The following CYP7B1 variants were observed in gnomAD, a reference collection of about 807,000 sequenced individuals.
The protein encoded by CYP7B1 is cytochrome P450 7B1.
CYP7B1 carries 29 observed loss-of-function variants against 42.7 expected under a neutral mutation model. The observed-to-expected ratio is 0.68, with a 90% CI of 0.51 to 0.93. The LOEUF is 0.93. Ranked by LOEUF, CYP7B1 falls within the 40% of genes least tolerant of loss-of-function variation. CYP7B1 has a pLI of 0.00. For missense variants in CYP7B1, 655 were observed against 600.5 expected, an observed-to-expected ratio of 1.09 and a Z score of -0.95; for synonymous variants, 235 against 218.2, an observed-to-expected ratio of 1.08 and a Z score of -0.68.
rs541758457 is a variant in CYP7B1, at chr8:64,637,978, A to G, written c.123-13439T>C. Among the ~76,000 whole-genome samples the G allele has an allele frequency of 5.9e-5, 9 of 152,174 alleles. No individual in the cohort carries two copies. In the East Asian group the frequency reaches 1.7e-3, roughly 29 times the overall value. On this transcript the variant is annotated intron_variant, in intron 1 of 5. Coordinates refer to ENST00000310193, the MANE Select transcript of CYP7B1 (RefSeq NM_004820.5). ...ATTTTCCTGACTTTATCCCTTTCATAGATTATTTTATTTCTACTTTTAGAT... is the reference window on the plus strand; with the variant it reads ...ATTTTCCTGACTTTATCCCTTTCATGGATTATTTTATTTCTACTTTTAGAT...
At chr8:64,788,859 C>T (rs1804570239) in intron 1 of CYP7B1, among the ~76,000 whole-genome samples, 1 of 152,148 alleles carries the variant, frequency 6.6e-6, no homozygotes, top group African/African-American at 2.4e-5. Context: ...GCAGTTTCCA[C>T]CCAAGAATCC....
Position 64,604,756 on chromosome 8 carries a change from C to T in CYP7B1, c.1159G>A (p.Val387Met). The T allele has an allele frequency of 1.2e-6, 2 of 1,614,150 alleles. No individual in the cohort carries two copies. The highest frequency in any genetic ancestry group is 1.7e-6 in the Non-Finnish European group (2 of 1,180,034). The part of the protein sequence containing the change: ...TLSSETGDYC[V>M]RKGDLVAIFP... ...ATGGCTACCAAGTCTCCCTTTCGCA[C>T]ACAGTAGTCCCCGGTCTCTGAACTG... is the stretch of plus-strand genomic sequence containing the variant. Residue 387 changes from valine to methionine, a missense_variant, in exon 5 of 6, where the codon GTG becomes ATG. Val to Met is a conservative substitution (Grantham distance 21). Transcript: ENST00000310193.
intron 1 of CYP7B1, among the ~76,000 whole-genome samples, chr8:64,682,017 C>T (rs1185149227): frequency 1.3e-5 from 2 of 151,986 alleles, no homozygotes; most frequent in Non-Finnish European, 2.9e-5. Flanking sequence ...AGAGAAAAAC[C>T]CAGTAGATTT....
rs1324626961 is a variant in CYP7B1, at chr8:64,593,247, G to GTGT, written c.*3392_*3394dup. Reference sequence around the variant, plus strand: ...TAGGGCCCAGGGTGTGTGTGTGTGTGTGTGTGTGTGTGTGTGTGTGTGTGT... The same window carrying GTGT: ...TAGGGCCCAGGGTGTGTGTGTGTGTGTGTTGTGTGTGTGTGTGTGTGTGTGTGT... On this transcript the variant is annotated 3_prime_UTR_variant, in exon 6 of 6. Coordinates refer to ENST00000310193, the MANE Select transcript of CYP7B1 (RefSeq NM_004820.5). Among the ~76,000 whole-genome samples the GTGT allele has an allele frequency of 7.4e-6, 1 of 134,742 alleles. No homozygotes were observed. Among genetic ancestry groups the GTGT allele is most frequent in the Non-Finnish European group, 1.7e-5 (1 of 59,066 alleles). The allele number at this position is 134,742 out of a possible 152,430, so 88.4% of individuals were successfully genotyped here. A position where few individuals can be genotyped will look rare whatever the true frequency, so the allele number is the denominator to read the frequency against.
rs1011868565 is a variant in CYP7B1, at chr8:64,677,840, T to C, written c.123-53301A>G. Reference sequence around the variant, plus strand: ...AGCATACTTTCTGGCACATAATAAGTGTTTGATAACATTAGGTGTTCTCAT... The same window carrying C: ...AGCATACTTTCTGGCACATAATAAGCGTTTGATAACATTAGGTGTTCTCAT... On this transcript the variant is annotated intron_variant, in intron 1 of 5. Coordinates refer to ENST00000310193, the MANE Select transcript of CYP7B1 (RefSeq NM_004820.5). 1.2e-4 allele frequency among the ~76,000 whole-genome samples: 18 copies of C among 151,268 alleles called. 1 individual carries two copies. The highest frequency in any genetic ancestry group is 4.4e-5 in the Non-Finnish European group (3 of 67,918).
intron 4 of CYP7B1, among the ~76,000 whole-genome samples, chr8:64,606,535 A>C (rs34522585): frequency 6.6e-6 from 1 of 152,210 alleles, no homozygotes; most frequent in Non-Finnish European, 1.5e-5. Flanking sequence ...GGGCAGGCAT[A>C]TAACAGTCCG....
chr8:64,742,731 C>T (rs945059148), intron 1 of CYP7B1, among the ~76,000 whole-genome samples: 1 of 152,124 alleles, frequency 6.6e-6, no homozygotes, highest in Non-Finnish European at 1.5e-5. Flanking sequence ...TCCAGAGGCA[C>T]ACATCCCTTG....
chr8:64,692,861 G>A (rs1046976839), intron 1 of CYP7B1, among the ~76,000 whole-genome samples: 3 of 152,108 alleles, frequency 2.0e-5, no homozygotes, highest in African/African-American at 4.8e-5. Context: ...AACTGTTCTC[G>A]AGCCACATGT....
chr8:64,699,789 C>A (rs1806885647), intron 1 of CYP7B1, among the ~76,000 whole-genome samples: 1 of 152,032 alleles, frequency 6.6e-6, no homozygotes, highest in East Asian at 1.9e-4. Flanking sequence ...GCATAATTCC[C>A]TTAAATTATT....
chr8:64,665,503 C>T (rs1806261331), intron 1 of CYP7B1, among the ~76,000 whole-genome samples: 1 of 137,840 alleles, frequency 7.3e-6, no homozygotes, highest in African/African-American at 2.7e-5. Flanking sequence ...AGTGTTTTAA[C>T]TTAGCCAAAC....
intron 1 of CYP7B1, among the ~76,000 whole-genome samples, chr8:64,685,915 G>T (rs1324417718): frequency 7.8e-5 from 3 of 38,576 alleles, no homozygotes; most frequent in African/African-American, 1.3e-4. Flanking sequence ...TGCCGTCCGG[G>T]AGGGAGGTGG....
At chr8:64,782,622 A>G (rs1260850905) in intron 1 of CYP7B1, among the ~76,000 whole-genome samples, 1 of 152,232 alleles carries the variant, frequency 6.6e-6, no homozygotes, top group African/African-American at 2.4e-5. Context: ...TCTGATAGAG[A>G]TAAGAGATTT....
At chr8:64,760,631 A>G (rs1807875188) in intron 1 of CYP7B1, among the ~76,000 whole-genome samples, 1 of 152,148 alleles carries the variant, frequency 6.6e-6, no homozygotes, top group Non-Finnish European at 1.5e-5. Flanking sequence ...TGAGAAATGC[A>G]AATCAAAACC....
intron 2 of CYP7B1, among the ~76,000 whole-genome samples, chr8:64,622,834 T>C (rs1248663378): frequency 6.6e-6 from 1 of 152,156 alleles, no homozygotes; most frequent in East Asian, 1.9e-4. Context: ...GGTAAATCAT[T>C]GAGAAACGTA....
rs573978950 is a variant in CYP7B1, at chr8:64,779,824, C to G, written c.122+18642G>C. On this transcript the variant is annotated intron_variant, in intron 1 of 5. Transcript: ENST00000310193. The stretch of plus-strand genomic sequence containing the variant: ...ATTCTATGTGATTACCAAAAACAGG[C>G]GCAGCCCTTTCACAAAGGAGTTCCC... Among the ~76,000 whole-genome samples the G allele has an allele frequency of 1.1e-4, 17 of 152,236 alleles. No homozygotes were observed. The East Asian group carries it at 3.1e-3, about 28-fold the overall frequency.
chr8:64,616,100 G>A lies in CYP7B1; in HGVS notation c.441C>T (p.Gly147=), dbSNP rs751354767. 1 of 1,613,610 alleles carries A rather than the reference G, an allele frequency of 6.2e-7. No individual in the cohort carries two copies. Among genetic ancestry groups the A allele is most frequent in the South Asian group, 1.1e-5 (1 of 91,072 alleles). ...TTTCCAAGAGTATGTCCAAAGATTT[G>A]CCTTGCAAAAATTGATAGCAGAGGT... ...ELHLCYQFLQ[G]KSLDILLESM... Residue 147 remains glycine (G), a synonymous_variant, in exon 3 of 6, where the codon GGC becomes GGT. Coordinates refer to ENST00000310193, the MANE Select transcript of CYP7B1 (RefSeq NM_004820.5).
intron 1 of CYP7B1, among the ~76,000 whole-genome samples, chr8:64,774,298 C>A (rs1804285031): frequency 6.6e-6 from 1 of 152,134 alleles, no homozygotes; most frequent in South Asian, 2.1e-4. Context: ...TCTATGTAAC[C>A]AGTAGCTAAC....
chr8:64,605,334 A>C (rs1805263604), intron 4 of CYP7B1, among the ~76,000 whole-genome samples: 1 of 152,226 alleles, frequency 6.6e-6, no homozygotes. Flanking sequence ...ACAGCTTAAC[A>C]CTTAATTTCT....
rs527715446 is a variant in CYP7B1 at position 64,782,134 on chromosome 8, T to C, written c.122+16332A>G. 5.5e-4 allele frequency among the ~76,000 whole-genome samples: 84 copies of C among 152,326 alleles called. 1 individual carries two copies. The highest frequency in any genetic ancestry group is 3.1e-3 in the Admixed American group (47 of 15,304). ...ATTTTAGCTTTATAGCCATGCTCTT[T>C]GCCCACCATGACACCACTTTCTGCA... is the stretch of plus-strand genomic sequence containing the variant. On this transcript the variant is annotated intron_variant, in intron 1 of 5. Coordinates refer to ENST00000310193, the MANE Select transcript of CYP7B1 (RefSeq NM_004820.5).
Sources: allele counts gnomAD v4.1 joint callset (sites outside exome capture counted in the v4.1 genomes callset), GRCh38; gene constraint gnomAD v4.1.1; transcripts MANE v1.5; gene names NCBI Gene and HGNC (gene_info 2026-07-23, HGNC 2026-07-21).